Variants in EYS observed in about 807,000 individuals in gnomAD.
EYS encodes EGF-like photoreceptor maintenance factor.
Under a neutral mutation model 282.1 loss-of-function variants are expected in EYS, and 250 were observed. The observed-to-expected ratio is 0.89, with a 90% confidence interval of 0.80 to 0.98. The LOEUF is 0.98. Ranked by LOEUF, EYS falls within the 50% of genes least tolerant of loss-of-function variation. The pLI is 0.00. For missense variants in EYS, 4,016 were observed against 3,709.0 expected (o/e 1.08, Z -2.15); for synonymous variants, 1,355 against 1,282.9 (o/e 1.06, Z -1.20).
At chr6:64,447,076 A>G (rs1775141135) in intron 26 of EYS, among the ~76,000 whole-genome samples, 1 of 152,016 alleles carries the variant, frequency 6.6e-6, no homozygotes, top group East Asian at 1.9e-4. Context: ...ACTTAAATAT[A>G]ATTAATATTG....
intron 11 of EYS, among the ~76,000 whole-genome samples, chr6:65,333,518 G>C (rs1231691736): frequency 1.3e-5 from 2 of 151,478 alleles, no homozygotes; most frequent in Non-Finnish European, 3.0e-5. Context: ...GCTGTTGTTG[G>C]GTAATGTGTT....
intron 22 of EYS, among the ~76,000 whole-genome samples, chr6:64,652,545 C>A (rs560066630): frequency 4.5e-4 from 69 of 152,256 alleles, no homozygotes; most frequent in Admixed American, 4.1e-3. Flanking sequence ...GAAACTACAA[C>A]CCCAACAAAC....
intron 26 of EYS, among the ~76,000 whole-genome samples, chr6:64,564,563 G>A (rs1186188462): frequency 6.6e-6 from 1 of 152,132 alleles, no homozygotes; most frequent in Non-Finnish European, 1.5e-5. Flanking sequence ...TTACAGGCGT[G>A]AGCCACCATG....
At position 64,915,091 on chromosome 6, in the gene EYS, T is replaced by C. The variant is rs116238126; in HGVS notation, c.2382-2348A>G. On this transcript the variant is annotated intron_variant, in intron 15 of 42. Coordinates refer to ENST00000503581, the MANE Select transcript of EYS (RefSeq NM_001142800.2). ...AATTTTCAGGGCATCCTTTTACTTATAAAAGTTTCTAAGGTGCTTTTTTTA... is the reference window on the plus strand; with the variant it reads ...AATTTTCAGGGCATCCTTTTACTTACAAAAGTTTCTAAGGTGCTTTTTTTA... Among the ~76,000 whole-genome samples, 473 of 152,262 alleles carry C rather than the reference T, an allele frequency of 3.1e-3. 3 individuals are homozygous for C. The highest frequency in any genetic ancestry group is 0.011 in the African/African-American group (437 of 41,584).
Position 64,590,666 on chromosome 6 carries a change from A to G in EYS, c.5201T>C (p.Leu1734Pro), listed in dbSNP as rs969866831. The change falls in exon 26 of 43, where the codon CTG becomes CCG. Residue 1734 changes from leucine to proline, a missense_variant. Transcript: ENST00000503581. ...DMEKSKGSHT[L>P]FKLHPSDSSL... ...ACTATCACTTGGGTGAAGTTTGAAC[A>G]GTGTATGAGATCCTTTACTTTTTTC... 1.9e-6 allele frequency: 3 copies of G among 1,551,284 alleles called. No individual in the cohort carries two copies. The Admixed American group carries it at 5.9e-5, about 30-fold the overall frequency.
chr6:63,926,998 G>T (rs556971210), intron 35 of EYS, among the ~76,000 whole-genome samples: 1 of 152,106 alleles, frequency 6.6e-6, no homozygotes, highest in African/African-American at 2.4e-5. Context: ...CAACAGCTTT[G>T]GGAGAAAGAT....
chr6:65,683,045 A>T (rs964742017), intron 1 of EYS, among the ~76,000 whole-genome samples: 1 of 151,978 alleles, frequency 6.6e-6, no homozygotes, highest in African/African-American at 2.4e-5. Context: ...GCAATGCTCT[A>T]CACTGAGACT....
chr6:63,960,628 G>A (rs566740007), intron 35 of EYS, among the ~76,000 whole-genome samples: 14 of 152,158 alleles, frequency 9.2e-5, no homozygotes, highest in Non-Finnish European at 1.5e-4. Context: ...TATTGCCACA[G>A]CCACTCTAAC....
chr6:65,204,961 T>C (rs1401321521), intron 12 of EYS, among the ~76,000 whole-genome samples: 5,811 of 123,190 alleles, frequency 0.047, 794 homozygotes, highest in African/African-American at 0.12. Context: ...TCTAGAAGAA[T>C]ATATTTATAT....
intron 31 of EYS, among the ~76,000 whole-genome samples, chr6:64,163,920 A>T (rs1348066040): frequency 6.6e-6 from 1 of 152,138 alleles, no homozygotes; most frequent in African/African-American, 2.4e-5. Context: ...ATAAGATGCT[A>T]GTCACATCAG....
rs116750299 is a variant in EYS, at chr6:64,857,053, G to T, written c.2992+29644C>A. 4.5e-3 allele frequency among the ~76,000 whole-genome samples: 678 copies of T among 152,118 alleles called. 1 individual carries two copies. The highest frequency in any genetic ancestry group is 7.7e-3 in the Non-Finnish European group (524 of 67,992). On this transcript the variant is annotated intron_variant, in intron 19 of 42. Coordinates refer to ENST00000503581, the MANE Select transcript of EYS (RefSeq NM_001142800.2). ...GCTTAAAAAACTATTTTATTGAGTT[G>T]CCTTTGCTCTTTGTAAATGATCAGT...
intron 36 of EYS, among the ~76,000 whole-genome samples, chr6:63,847,878 T>C (rs1772140511): frequency 6.6e-6 from 1 of 152,238 alleles, no homozygotes; most frequent in Non-Finnish European, 1.5e-5. Flanking sequence ...GTTGAATACT[T>C]TTCAATGTAC....
intron 5 of EYS, among the ~76,000 whole-genome samples, chr6:65,460,236 A>T (rs1463759640): frequency 6.6e-6 from 1 of 151,042 alleles, no homozygotes; most frequent in African/African-American, 2.4e-5. Flanking sequence ...ATCTTTCTAA[A>T]CTTACATATA....
intron 15 of EYS, among the ~76,000 whole-genome samples, chr6:64,916,467 C>A (rs1165656438): frequency 6.6e-6 from 1 of 152,154 alleles, no homozygotes; most frequent in African/African-American, 2.4e-5. Context: ...TTCCGAGGAA[C>A]AAAGTCACTA....
chr6:64,276,626 C>T (rs567652881), intron 30 of EYS, among the ~76,000 whole-genome samples: 11 of 152,122 alleles, frequency 7.2e-5, no homozygotes, highest in African/African-American at 2.6e-4. Context: ...GACGGTAATG[C>T]TAGACATGTA....
chr6:65,430,090 G>A (rs62407676), intron 5 of EYS, among the ~76,000 whole-genome samples: 1 of 152,028 alleles, frequency 6.6e-6, no homozygotes, highest in Non-Finnish European at 1.5e-5. Context: ...TGAACCAGGG[G>A]TTGAGAGGTA....
At chr6:64,095,819 C>A (rs1358666618) in intron 31 of EYS, among the ~76,000 whole-genome samples, 1 of 152,094 alleles carries the variant, frequency 6.6e-6, no homozygotes, top group Non-Finnish European at 1.5e-5. Flanking sequence ...GCTTATTTTG[C>A]TCATTAGTTG....
chr6:64,836,025 A>C (rs1765372094), intron 19 of EYS, among the ~76,000 whole-genome samples: 2 of 151,626 alleles, frequency 1.3e-5, no homozygotes, highest in African/African-American at 2.4e-5. Context: ...AAAATGTTTT[A>C]AGTTGAGTAA....
At chr6:64,703,501 C>G (rs1308160570) in intron 22 of EYS, among the ~76,000 whole-genome samples, 1 of 135,880 alleles carries the variant, frequency 7.4e-6, no homozygotes, top group Non-Finnish European at 1.5e-5. Flanking sequence ...GGCGCGATCT[C>G]AGCTCACTGA....
Sources: allele counts gnomAD v4.1 joint callset (sites outside exome capture counted in the v4.1 genomes callset), GRCh38; gene constraint gnomAD v4.1.1; transcripts MANE v1.5; gene names NCBI Gene and HGNC (gene_info 2026-07-23, HGNC 2026-07-21).